The following MGLL variants were observed in gnomAD, a reference collection of about 807,000 sequenced individuals.
MGLL encodes the protein lysophospholipase homolog.
In MGLL, 7 loss-of-function variants were observed where a neutral mutation model predicts 29.1. The ratio of observed to expected loss-of-function variants is 0.24; its 90% CI spans 0.14 to 0.45. MGLL has a LOEUF of 0.45. Ranked by LOEUF, MGLL falls within the 20% of genes least tolerant of loss-of-function variation. The probability of loss-of-function intolerance (pLI) is 0.99; values close to 1 mark genes in which losing one functional copy is unlikely to be tolerated. For missense variants in MGLL, 356 were observed against 413.6 expected, an observed-to-expected ratio of 0.86 and a Z score of 1.21; for synonymous variants, 148 against 168.3, an observed-to-expected ratio of 0.88 and a Z score of 0.93.
At chr3:127,704,227 T>C (rs1259608080) in intron 6 of MGLL, among the ~76,000 whole-genome samples, 2 of 152,118 alleles carry the variant, frequency 1.3e-5, no homozygotes, top group Non-Finnish European at 2.9e-5. Flanking sequence ...AAAAATTAAC[T>C]CAAGGTGGAT....
chr3:127,818,389 T>C (rs1383935819), intron 2 of MGLL, among the ~76,000 whole-genome samples: 5 of 151,886 alleles, frequency 3.3e-5, no homozygotes, highest in Non-Finnish European at 7.4e-5. Context: ...TTTTTTTTTT[T>C]TTAAGAGACA....
chr3:127,705,337 A>G (rs113239507), intron 6 of MGLL, among the ~76,000 whole-genome samples: 2,413 of 152,206 alleles, frequency 0.016, 69 homozygotes, highest in African/African-American at 0.054. Flanking sequence ...ATGTTTACCT[A>G]TGTAACAAAC....
rs565761086 is a variant in MGLL at position 127,699,636 on chromosome 3, A to G, written c.601-4446T>C. Among the ~76,000 whole-genome samples, 44 of 152,336 alleles carry G rather than the reference A, an allele frequency of 2.9e-4. No individual in the cohort carries two copies. In the South Asian group the frequency reaches 5.8e-3, roughly 20 times the overall value. On this transcript the variant is annotated intron_variant, in intron 6 of 7. Transcript: ENST00000265052. ...AGAACCTAGGCACTCTGCCACTGCC[A>G]TCAGCATTCTTAGCCACTTACCATG... is the stretch of plus-strand genomic sequence containing the variant.
intron 3 of MGLL, among the ~76,000 whole-genome samples, chr3:127,753,548 C>T (rs960092409): frequency 6.6e-5 from 10 of 152,222 alleles, no homozygotes; most frequent in Non-Finnish European, 1.2e-4. Context: ...TGTCAACTGA[C>T]GTGCTGGGCG....
chr3:127,692,437 G>A, intron 7 of MGLL, 114 bp from the exon 8 acceptor site: 1 of 1,380,018 alleles, frequency 7.2e-7, no homozygotes, highest in South Asian at 1.2e-5. Flanking sequence ...CTCTCCCTAT[G>A]CCCGAGGACC....
intron 2 of MGLL, among the ~76,000 whole-genome samples, chr3:127,818,951 AAACACT>A (rs1488254456): frequency 6.6e-6 from 1 of 152,206 alleles, no homozygotes; most frequent in Admixed American, 6.5e-5. Context: ...TTATTACCGT[AAACACT>A]ACAGCATGAA....
At chr3:127,822,935 T>TCGGACACGCGCGCACACACACCGTGCA, upstream of MGLL, 1 of 154,754 alleles carries the variant, frequency 6.5e-6, no homozygotes, top group Non-Finnish European at 1.4e-5. Flanking sequence ...GCGCGCACAC[T>TCGGACACGCGCGCACACACACCGTGCA]CGGACACGCG....
intron 2 of MGLL, among the ~76,000 whole-genome samples, chr3:127,818,360 G>T (rs1173484756): frequency 3.3e-5 from 5 of 152,006 alleles, no homozygotes; most frequent in East Asian, 3.9e-4. Context: ...GTTTTCAGAA[G>T]GGATACCTAT....
chr3:127,790,438 A>G (rs1049736350), intron 2 of MGLL, among the ~76,000 whole-genome samples: 16 of 152,148 alleles, frequency 1.1e-4, no homozygotes, highest in African/African-American at 3.4e-4. Context: ...AGGGAGAGAG[A>G]TCTGATTTGA....
At chr3:127,732,589 G>A (rs1201698837) in intron 3 of MGLL, among the ~76,000 whole-genome samples, 1 of 152,244 alleles carries the variant, frequency 6.6e-6, no homozygotes, top group Non-Finnish European at 1.5e-5. Context: ...CCCAGGGCTT[G>A]TGCCTAGAGC....
intron 6 of MGLL, among the ~76,000 whole-genome samples, chr3:127,698,761 C>T (rs1383072193): frequency 1.3e-5 from 2 of 152,298 alleles, no homozygotes; most frequent in East Asian, 3.9e-4. Context: ...TACATGGAAT[C>T]GCTCTGTATT....
At chr3:127,760,647 C>G (rs893150433) in intron 3 of MGLL, among the ~76,000 whole-genome samples, 1 of 152,248 alleles carries the variant, frequency 6.6e-6, no homozygotes, top group Non-Finnish European at 1.5e-5. Context: ...ACCCCAGGGC[C>G]ACTCGCCTGG....
At chr3:127,740,248 C>T (rs1459830502) in intron 3 of MGLL, among the ~76,000 whole-genome samples, 2 of 152,234 alleles carry the variant, frequency 1.3e-5, no homozygotes, top group African/African-American at 2.4e-5. Flanking sequence ...TTCACACAGA[C>T]ATGCAGCTAC....
intron 2 of MGLL, among the ~76,000 whole-genome samples, chr3:127,817,816 G>A (rs2077783274): frequency 6.6e-6 from 1 of 152,212 alleles, no homozygotes. Flanking sequence ...TGAATACAAA[G>A]GTGCTAAATA....
chr3:127,773,581 A>G (rs7648829), intron 3 of MGLL, among the ~76,000 whole-genome samples: 8,039 of 152,292 alleles, frequency 0.053, 691 homozygotes, highest in African/African-American at 0.18. Context: ...CTGGGACAGC[A>G]TGACGGGGAC....
intron 5 of MGLL, among the ~76,000 whole-genome samples, chr3:127,717,078 G>A (rs2075830381): frequency 6.6e-6 from 1 of 152,212 alleles, no homozygotes; most frequent in African/African-American, 2.4e-5. Flanking sequence ...AGCTATTAGA[G>A]AGCAGGTGCC....
chr3:127,729,232 G>A (rs539930371), intron 3 of MGLL, among the ~76,000 whole-genome samples: 3 of 152,024 alleles, frequency 2.0e-5, no homozygotes, highest in South Asian at 4.2e-4. Context: ...CCCACTCCAC[G>A]GGTATAAAGG....
chr3:127,793,337 T>C (rs2077332017), intron 2 of MGLL, among the ~76,000 whole-genome samples: 1 of 152,218 alleles, frequency 6.6e-6, no homozygotes, highest in Non-Finnish European at 1.5e-5. Context: ...GCATAAATCC[T>C]AATAAGGGAA....
chr3:127,692,115 T>TTTCAA lies in MGLL; in HGVS notation c.*82_*83insTTGAA. On this transcript the variant is annotated 3_prime_UTR_variant, in exon 8 of 8. Coordinates refer to ENST00000265052, the MANE Select transcript of MGLL (RefSeq NM_007283.7). ...TCTGATTTTTTTTTTTTTTTTTTTTTGGCAAGCCATATCTGAGAAGCCATC... is the reference window on the plus strand; with the variant it reads ...TCTGATTTTTTTTTTTTTTTTTTTTTTTCAAGGCAAGCCATATCTGAGAAGCCATC... 2 of 492,130 alleles carry TTTCAA rather than the reference T, an allele frequency of 4.1e-6. No homozygotes were observed. Among genetic ancestry groups the TTTCAA allele is most frequent in the Non-Finnish European group, 3.2e-6 (1 of 316,762 alleles). 30.5% of individuals were successfully genotyped at this position (492,130 alleles called of 1,614,324 possible).
Sources: allele counts gnomAD v4.1 joint callset (sites outside exome capture counted in the v4.1 genomes callset), GRCh38; gene constraint gnomAD v4.1.1; transcripts MANE v1.5; gene names NCBI Gene and HGNC (gene_info 2026-07-23, HGNC 2026-07-21).